The following CRACD variants were observed in gnomAD, a reference collection of about 807,000 sequenced individuals.
The protein encoded by CRACD is capping protein-inhibiting regulator of actin dynamics.
Under a neutral mutation model 106.8 loss-of-function variants are expected in CRACD, and 56 were observed. That is an observed-to-expected ratio of 0.52 (90% confidence interval 0.42 to 0.66). The LOEUF is 0.66. Ranked by LOEUF, CRACD falls within the 30% of genes least tolerant of loss-of-function variation. The pLI, the probability that CRACD is intolerant of heterozygous loss-of-function variation, is 0.00. For missense variants in CRACD, 1,730 were observed against 1,623.2 expected, an observed-to-expected ratio of 1.07 and a Z score of -1.13; for synonymous variants, 754 against 670.8, an observed-to-expected ratio of 1.12 and a Z score of -1.92.
At chr4:56,277,947 A>G (rs1742773592) in intron 3 of CRACD, among the ~76,000 whole-genome samples, 1 of 152,260 alleles carries the variant, frequency 6.6e-6, no homozygotes, top group Non-Finnish European at 1.5e-5. Flanking sequence ...AATAAGTTTA[A>G]CCAAGAAGTG....
chr4:56,192,967 A>G (rs1737444893), intron 2 of CRACD, among the ~76,000 whole-genome samples: 1 of 152,176 alleles, frequency 6.6e-6, no homozygotes, highest in Admixed American at 6.5e-5. Flanking sequence ...TGTCTGATTC[A>G]TCTTTGAGTG....
At chr4:56,308,055 A>C (rs1044727907) in intron 5 of CRACD, among the ~76,000 whole-genome samples, 1 of 152,018 alleles carries the variant, frequency 6.6e-6, no homozygotes, top group African/African-American at 2.4e-5. Flanking sequence ...CTCCCTATCT[A>C]TGTCCATGTA....
At chr4:56,203,355 A>G (rs1281453921) in intron 2 of CRACD, among the ~76,000 whole-genome samples, 1 of 152,148 alleles carries the variant, frequency 6.6e-6, no homozygotes, top group African/African-American at 2.4e-5. Flanking sequence ...TCCTCACAAT[A>G]TACTCATACT....
At chr4:56,051,396 G>T (rs1420285901) in intron 1 of CRACD, among the ~76,000 whole-genome samples, 2 of 152,034 alleles carry the variant, frequency 1.3e-5, no homozygotes, top group Non-Finnish European at 2.9e-5. Context: ...CCAAGAATGG[G>T]GTCTCTTGGG....
chr4:56,310,190 C>T (rs1452458173), intron 5 of CRACD, among the ~76,000 whole-genome samples: 1 of 152,082 alleles, frequency 6.6e-6, no homozygotes, highest in Non-Finnish European at 1.5e-5. Context: ...CCTGGTCTTT[C>T]ACCTTCTCAG....
chr4:56,302,369 G>C (rs897614620), intron 4 of CRACD, among the ~76,000 whole-genome samples: 3 of 152,148 alleles, frequency 2.0e-5, no homozygotes, highest in Non-Finnish European at 4.4e-5. Context: ...AAACTCAGGG[G>C]TACCACAGTC....
In CRACD at chr4:56,314,965, C is replaced by G; in HGVS notation, c.1463C>G (p.Thr488Arg). The G allele has an allele frequency of 1.4e-5, 22 of 1,588,980 alleles. No homozygotes were observed. The highest frequency in any genetic ancestry group is 1.7e-5 in the Non-Finnish European group (20 of 1,169,166). The change falls in exon 8 of 11, where the codon ACG becomes AGG. Residue 488 changes from threonine (T) to arginine (R), a missense_variant. Coordinates refer to ENST00000682029, the MANE Select transcript of CRACD (RefSeq NM_001393381.1). This position sits in a 1 kb window ranked among gnomAD's most constrained non-coding sequence, Gnocchi z 4.4. ...GAGGAAAAGAGAGAAGAAGGGGACA[C>G]GGAGCCTCTCCTGAAACAAGAGGGG... ...GPEEKREEGDTEPLLKQEGPV... is the reference protein window; with the variant it reads ...GPEEKREEGDREPLLKQEGPV...
At chr4:56,100,951 C>G (rs1194584480) in intron 1 of CRACD, among the ~76,000 whole-genome samples, 1 of 152,104 alleles carries the variant, frequency 6.6e-6, no homozygotes, top group Non-Finnish European at 1.5e-5. Flanking sequence ...GTTTTAAAAC[C>G]TCAACTTGGA....
intron 1 of CRACD, among the ~76,000 whole-genome samples, chr4:56,154,370 G>T (rs774465383): frequency 1.3e-5 from 2 of 152,090 alleles, no homozygotes; most frequent in Non-Finnish European, 2.9e-5. Context: ...GGAGGCTAAC[G>T]CAGGAGTATA....
intron 3 of CRACD, among the ~76,000 whole-genome samples, chr4:56,279,436 CA>C (rs1371771309): frequency 5.9e-5 from 9 of 151,988 alleles, no homozygotes; most frequent in Non-Finnish European, 1.2e-4. Flanking sequence ...ACAATGAACT[CA>C]AACAAATTTA....
chr4:56,265,416 G>C (rs977511906), intron 2 of CRACD, among the ~76,000 whole-genome samples: 6 of 151,500 alleles, frequency 4.0e-5, no homozygotes, highest in Non-Finnish European at 8.8e-5. Flanking sequence ...GTGTGTGTGT[G>C]TGTGTGTGTG....
At chr4:56,205,388 A>C (rs999501518) in intron 2 of CRACD, among the ~76,000 whole-genome samples, 20 of 152,128 alleles carry the variant, frequency 1.3e-4, no homozygotes, top group African/African-American at 4.6e-4. Context: ...ACTGCAGTAA[A>C]GCCAAAGAAT....
intron 1 of CRACD, among the ~76,000 whole-genome samples, chr4:56,132,747 C>T (rs376580127): frequency 1.6e-4 from 24 of 152,132 alleles, no homozygotes; most frequent in Admixed American, 4.6e-4. Flanking sequence ...TTCCAAAGGA[C>T]GCAGCATAAG....
In CRACD at chr4:56,324,228, A is replaced by G; in HGVS notation, c.3503A>G (p.Gln1168Arg). The G allele has an allele frequency of 6.2e-7, 1 of 1,614,180 alleles. No homozygotes were observed. Among genetic ancestry groups the G allele is most frequent in the Non-Finnish European group, 8.5e-7 (1 of 1,179,994 alleles). ...GTGTCCAGGCTTGAGCGCAGAGAAC[A>G]GCTGAAAAAGGCCAATACTCTTCCT... ...TAVSRLERRE[Q>R]LKKANTLPTS... The change falls in exon 10 of 11, where the codon CAG (glutamine) becomes CGG (arginine). Residue 1168 changes from glutamine to arginine, a missense_variant. Physicochemically the swap from Gln to Arg is conservative, Grantham distance 43. This residue lies in a region of CRACD where 89 missense variants were observed against 89.6 expected (regional missense o/e 0.99). Coordinates refer to ENST00000682029, the MANE Select transcript of CRACD (RefSeq NM_001393381.1).
Position 56,298,197 on chromosome 4 carries a change from CAT to C in CRACD, c.-16-16_-16-15del, listed in dbSNP as rs755650255. ...AATTTTATCCTAATAAAATGAAGCA[CAT>C]GATTTACCTTCCAGGTCCTTCAACT... On this transcript the variant is annotated splice_polypyrimidine_tract_variant and intron_variant, in intron 3 of 10. Coordinates refer to ENST00000682029, the MANE Select transcript of CRACD (RefSeq NM_001393381.1). 3.1e-6 allele frequency: 5 copies of C among 1,606,512 alleles called. No homozygotes were observed. Among genetic ancestry groups the C allele is most frequent in the Non-Finnish European group, 4.2e-6 (5 of 1,176,838 alleles).
At chr4:56,117,032 T>C (rs1271539078) in intron 1 of CRACD, among the ~76,000 whole-genome samples, 1 of 144,356 alleles carries the variant, frequency 6.9e-6, no homozygotes, top group Non-Finnish European at 1.5e-5. Context: ...TTTTTTTTTT[T>C]TTTTTTGAGA....
At chr4:56,320,676 A>G (rs1443763601) in intron 8 of CRACD, 1 of 152,274 alleles carries the variant, frequency 6.6e-6, no homozygotes, top group Non-Finnish European at 1.5e-5. Context: ...CACATGGAGG[A>G]GTTCTTTCCT....
At position 56,209,052 on chromosome 4, in the gene CRACD, G is replaced by T. The variant is rs181631693; in HGVS notation, c.-189+29622G>T. Among the ~76,000 whole-genome samples, 678 of 152,074 alleles carry T rather than the reference G, an allele frequency of 4.5e-3. 4 individuals carry two copies. The highest frequency in any genetic ancestry group is 4.6e-3 in the Non-Finnish European group (314 of 67,948). The stretch of plus-strand genomic sequence containing the variant: ...CTTGCTATCACTATTAACACTATAA[G>T]AAATTTTTGTTCAAAAGAGAAAACC... On this transcript the variant is annotated intron_variant, in intron 2 of 10. Transcript: ENST00000682029.
rs1434221385 is a variant in CRACD, at chr4:56,310,762, G to C, written c.354+28G>C. ...AATATGATTTGAACTTATTTATTTG[G>C]CTTCTTTCCTTACTTAACTTTCATC... is the stretch of plus-strand genomic sequence containing the variant. On this transcript the variant is annotated intron_variant, in intron 6 of 10. Coordinates refer to ENST00000682029, the MANE Select transcript of CRACD (RefSeq NM_001393381.1). 2.7e-6 allele frequency: 4 copies of C among 1,506,300 alleles called. No homozygotes were observed. In the Admixed American group the frequency reaches 6.8e-5, roughly 26 times the overall value. 93.3% of individuals were successfully genotyped at this position (1,506,300 alleles called of 1,614,324 possible).
Sources: gnomAD v4.1 joint callset for allele counts (sites outside exome capture counted in the v4.1 genomes callset) on GRCh38, gnomAD v4.1.1 for gene constraint, gnomAD v4.1.1 regional missense constraint, Gnocchi (gnomAD v3.1) non-coding constraint, MANE v1.5 for transcripts, NCBI Gene and HGNC (gene_info 2026-07-23, HGNC 2026-07-21) for gene names.